ZBTB46: variants seen among roughly 807,000 people sequenced by gnomAD.
ZBTB46 encodes zinc finger and BTB domain containing 46.
In ZBTB46, 8 loss-of-function variants were observed where a neutral mutation model predicts 44.1. That is an observed-to-expected ratio of 0.18 (90% CI 0.11 to 0.33). The LOEUF (loss-of-function observed/expected upper bound fraction) is 0.33. Among genes scored for constraint, ZBTB46 ranks in the 10% least tolerant of loss-of-function variants. ZBTB46 has a pLI of 1.00. For synonymous variants in ZBTB46, 409 were observed against 382.3 expected, an observed-to-expected ratio of 1.07 and a Z score of -0.81; for missense variants, 651 against 847.7, an observed-to-expected ratio of 0.77 and a Z score of 2.88.
intron 3 of ZBTB46, among the ~76,000 whole-genome samples, chr20:63,774,817 C>T (rs2092409948): frequency 7.9e-6 from 1 of 126,110 alleles, no homozygotes; most frequent in Non-Finnish European, 1.7e-5. Flanking sequence ...CATTCTCCTG[C>T]CTCAGTCTCC....
chr20:63,802,036 C>A (rs1311443002), intron 1 of ZBTB46, among the ~76,000 whole-genome samples: 1 of 152,192 alleles, frequency 6.6e-6, no homozygotes, highest in Middle Eastern at 3.2e-3. Context: ...CCCCCGCCCC[C>A]GCCTCCCAAA....
intron 3 of ZBTB46, among the ~76,000 whole-genome samples, chr20:63,774,721 T>G (rs1304924312): frequency 8.3e-6 from 1 of 121,072 alleles, no homozygotes; most frequent in Non-Finnish European, 1.7e-5. Flanking sequence ...TTTTTTTTTT[T>G]GAGACAGAGT....
In ZBTB46 at chr20:63,747,072, C is replaced by T. The variant is rs1179436266; in HGVS notation, c.1628G>A (p.Gly543Glu). 1.2e-6 allele frequency: 2 copies of T among 1,608,928 alleles called. No homozygotes were observed. The highest frequency in any genetic ancestry group is 1.3e-5 in the African/African-American group (1 of 74,888). Residue 543 changes from glycine (G) to glutamate (E), a missense_variant, in exon 5 of 5, where the codon GGG becomes GAG. Gly to Glu is a moderately conservative substitution (Grantham distance 98). Around this residue, in one of 5 missense-constraint regions of ZBTB46, gnomAD observed 106 missense variants for 81.0 expected, o/e 1.31. Coordinates refer to ENST00000245663, the MANE Select transcript of ZBTB46 (RefSeq NM_001369741.1). ...PYLEDPEDPR[G>E]EAEELGEDDE... ...GTCCTCGCCCAGCTCCTCCGCCTCC[C>T]CTCGTGGGTCCTCAGGGTCCTCCAG...
At chr20:63,804,048 C>T (rs988427293) in intron 1 of ZBTB46, among the ~76,000 whole-genome samples, 1 of 152,134 alleles carries the variant, frequency 6.6e-6, no homozygotes, top group African/African-American at 2.4e-5. Flanking sequence ...CAGCACGCTT[C>T]CCCTTTCCAA....
At chr20:63,795,125 C>T (rs2092591330) in intron 1 of ZBTB46, among the ~76,000 whole-genome samples, 1 of 152,238 alleles carries the variant, frequency 6.6e-6, no homozygotes, top group Non-Finnish European at 1.5e-5. Context: ...GCTGTCTCCT[C>T]CAAACACCGC....
chr20:63,754,355 GTTCTCGCA>G (rs903900684), intron 3 of ZBTB46, among the ~76,000 whole-genome samples: 15 of 152,308 alleles, frequency 9.8e-5, no homozygotes, highest in Middle Eastern at 3.4e-3. Flanking sequence ...ACAGCGCCTG[GTTCTCGCA>G]TTATCACACC....
chr20:63,802,066 C>G (rs1185979681), intron 1 of ZBTB46, among the ~76,000 whole-genome samples: 2 of 152,132 alleles, frequency 1.3e-5, no homozygotes, highest in Non-Finnish European at 2.9e-5. Context: ...AAGCCCTAAC[C>G]CCTCATATTT....
intron 3 of ZBTB46, among the ~76,000 whole-genome samples, chr20:63,773,903 C>A (rs1219253151): frequency 1.3e-5 from 2 of 152,236 alleles, no homozygotes; most frequent in Non-Finnish European, 2.9e-5. Context: ...CAAATCCAAC[C>A]ATTTCTGCTG....
Position 63,790,683 on chromosome 20 carries a change from C to T in ZBTB46, c.75G>A (p.Arg25=), listed in dbSNP as rs2092553973. Residue 25 remains arginine (R), a synonymous_variant, in exon 2 of 5, where the codon AGG becomes AGA. Transcript: ENST00000245663. Reference sequence around the variant, plus strand: ...AGACGTCGCACAGGACGCCGTGCTGCCTCTGCTCGTTGAGCTCCCGCAGCA... The same window carrying T: ...AGACGTCGCACAGGACGCCGTGCTGTCTCTGCTCGTTGAGCTCCCGCAGCA... ...RHLLRELNEQ[R]QHGVLCDVCV... 1.2e-6 allele frequency: 2 copies of T among 1,611,776 alleles called. No homozygotes were observed. Among genetic ancestry groups the T allele is most frequent in the African/African-American group, 1.3e-5 (1 of 75,070 alleles).
chr20:63,776,474 C>CAA (rs1351883227), intron 2 of ZBTB46, among the ~76,000 whole-genome samples: 1 of 152,186 alleles, frequency 6.6e-6, no homozygotes, highest in Non-Finnish European at 1.5e-5. Flanking sequence ...AAATTGGACT[C>CAA]ATCAAAATTA....
At chr20:63,830,292 T>C (rs1044330837) in intron 1 of ZBTB46, among the ~76,000 whole-genome samples, 1 of 152,082 alleles carries the variant, frequency 6.6e-6, no homozygotes, top group African/African-American at 2.4e-5. Context: ...AGGGATTGAG[T>C]TGTCAGACAC....
chr20:63,778,745 A>AT (rs2092445137), intron 2 of ZBTB46, among the ~76,000 whole-genome samples: 1 of 152,060 alleles, frequency 6.6e-6, no homozygotes, highest in South Asian at 2.1e-4. Context: ...TCCTTTTTAT[A>AT]TTTTTTTACA....
At chr20:63,829,307 A>T (rs1410655478) in intron 1 of ZBTB46, among the ~76,000 whole-genome samples, 1 of 152,192 alleles carries the variant, frequency 6.6e-6, no homozygotes, top group Non-Finnish European at 1.5e-5. Context: ...AAACAGCTAA[A>T]CCCGAACAGA....
At chr20:63,789,691 G>A (rs1486079042) in intron 2 of ZBTB46, 130 bp downstream of exon 2, 14 of 1,452,956 alleles carry the variant, frequency 9.6e-6, no homozygotes, top group African/African-American at 1.4e-5. Context: ...ACAACCTCCT[G>A]TAAGAGGAAG....
upstream of ZBTB46, among the ~76,000 whole-genome samples, chr20:63,832,304 A>T (rs570222952): frequency 2.0e-5 from 3 of 151,612 alleles, no homozygotes; most frequent in Admixed American, 2.0e-4. This position sits in a 1 kb window ranked among gnomAD's most constrained non-coding sequence, Gnocchi z 5.0. Context: ...GGTAAAGGCC[A>T]CCTCGCTTCC....
chr20:63,749,263 C>T (rs1301772476), intron 4 of ZBTB46, among the ~76,000 whole-genome samples: 6 of 152,230 alleles, frequency 3.9e-5, no homozygotes, highest in African/African-American at 1.2e-4. Flanking sequence ...TGCCCAAACA[C>T]GCTAACCCTA....
At chr20:63,813,979 A>G (rs1323237325) in intron 1 of ZBTB46, among the ~76,000 whole-genome samples, 1 of 152,242 alleles carries the variant, frequency 6.6e-6, no homozygotes, top group Admixed American at 6.5e-5. Context: ...TCACGCCTGT[A>G]ATCCCAGCAC....
intron 1 of ZBTB46, among the ~76,000 whole-genome samples, chr20:63,830,430 CCGCCCCGCCCCGAGG>C (rs896939995): frequency 2.0e-5 from 3 of 150,180 alleles, no homozygotes; most frequent in African/African-American, 7.3e-5. Flanking sequence ...GCGCCCCGAG[CCGCCCCGCCCCGAGG>C]CCCCTGCGCC....
At chr20:63,762,318 T>C (rs1361905579) in intron 3 of ZBTB46, among the ~76,000 whole-genome samples, 1 of 152,186 alleles carries the variant, frequency 6.6e-6, no homozygotes, top group Non-Finnish European at 1.5e-5. Context: ...TGTGAAGTTA[T>C]CTCTTTTTTT....
Sources: gnomAD v4.1 joint callset for allele counts (sites outside exome capture counted in the v4.1 genomes callset) on GRCh38, gnomAD v4.1.1 for gene constraint, gnomAD v4.1.1 regional missense constraint, Gnocchi (gnomAD v3.1) non-coding constraint, MANE v1.5 for transcripts, NCBI Gene and HGNC (gene_info 2026-07-23, HGNC 2026-07-21) for gene names.